Variants in KSR2 observed in about 807,000 individuals in gnomAD.
The protein encoded by KSR2 is kinase suppressor of ras 2.
In KSR2, 25 loss-of-function variants were observed where a neutral mutation model predicts 107.8. The ratio of observed to expected loss-of-function variants is 0.23; its 90% CI spans 0.17 to 0.32. The LOEUF (loss-of-function observed/expected upper bound fraction) is 0.32, where lower values mean the gene tolerates loss of function less well. KSR2 is among the 10% of genes least tolerant of loss of function. The pLI, the probability that KSR2 is intolerant of heterozygous loss-of-function variation, is 1.00. For missense variants in KSR2, 887 were observed against 1,268.9 expected (o/e 0.70, Z 4.57); for synonymous variants, 480 against 507.0 (o/e 0.95, Z 0.71).
intron 14 of KSR2, among the ~76,000 whole-genome samples, chr12:117,493,885 T>G (rs576770134): frequency 6.6e-6 from 1 of 152,268 alleles, no homozygotes; most frequent in Non-Finnish European, 1.5e-5. Flanking sequence ...CTTTTGCTTC[T>G]TCCTCATTTT....
At chr12:117,951,390 C>T (rs74338552) in intron 1 of KSR2, among the ~76,000 whole-genome samples, 3,056 of 152,210 alleles carry the variant, frequency 0.02, 85 homozygotes, top group African/African-American at 0.07. Flanking sequence ...ATAAAAACAA[C>T]GTCCATAAGT....
At chr12:117,758,012 T>A (rs1315557898) in intron 4 of KSR2, among the ~76,000 whole-genome samples, 1 of 152,192 alleles carries the variant, frequency 6.6e-6, no homozygotes, top group East Asian at 1.9e-4. Context: ...TCTAGGCTAG[T>A]CTATTTCATT....
chr12:117,533,768 G>A (rs1875829866), intron 10 of KSR2, among the ~76,000 whole-genome samples: 1 of 152,110 alleles, frequency 6.6e-6, no homozygotes, highest in Non-Finnish European at 1.5e-5. Flanking sequence ...GTTCTTTTTG[G>A]GCAACGGAGA....
chr12:117,965,994 G>A (rs1896774365), intron 1 of KSR2, among the ~76,000 whole-genome samples: 1 of 68,908 alleles, frequency 1.5e-5, no homozygotes, highest in South Asian at 7.2e-4. Flanking sequence ...CATTCCCTGG[G>A]CAAGATGGAT....
intron 14 of KSR2, among the ~76,000 whole-genome samples, chr12:117,489,501 T>C (rs1872637001): frequency 7.0e-6 from 1 of 143,728 alleles, no homozygotes; most frequent in African/African-American, 2.6e-5. Flanking sequence ...GCATGGAGAT[T>C]ACACCACCAC....
intron 4 of KSR2, among the ~76,000 whole-genome samples, chr12:117,739,099 T>G (rs553272073): frequency 1.3e-5 from 2 of 152,340 alleles, no homozygotes; most frequent in East Asian, 1.9e-4. Flanking sequence ...CTCACGCCTG[T>G]AATCCCAGCA....
chr12:117,810,638 C>T (rs923659924), intron 3 of KSR2, among the ~76,000 whole-genome samples: 10 of 152,132 alleles, frequency 6.6e-5, no homozygotes, highest in East Asian at 1.9e-4. Flanking sequence ...AGGTGATATC[C>T]GACTGGCAAT....
At chr12:117,738,107 C>T (rs1888015787) in intron 4 of KSR2, among the ~76,000 whole-genome samples, 1 of 152,160 alleles carries the variant, frequency 6.6e-6, no homozygotes, top group Admixed American at 6.6e-5. Flanking sequence ...AGCAGAAGGA[C>T]TCAGCAATTG....
At chr12:117,659,475 A>G (rs1198533514) in intron 5 of KSR2, among the ~76,000 whole-genome samples, 1 of 152,212 alleles carries the variant, frequency 6.6e-6, no homozygotes, top group Non-Finnish European at 1.5e-5. Context: ...CATACAGACA[A>G]AAAGTGTCAC....
At chr12:117,603,070 A>T (rs1881044251) in intron 5 of KSR2, among the ~76,000 whole-genome samples, 1 of 152,190 alleles carries the variant, frequency 6.6e-6, no homozygotes, top group South Asian at 2.1e-4. Context: ...ATCATGGAAA[A>T]ATTCCTACTT....
Position 117,466,970 on chromosome 12 carries a change from G to A in KSR2, c.*229C>T. The A allele has an allele frequency of 2.2e-6, 1 of 458,434 alleles. No individual in the cohort carries two copies. The allele number at this position is 458,434 out of a possible 1,614,324, so 28.4% of individuals were successfully genotyped here. A position where few individuals can be genotyped will look rare whatever the true frequency, so the allele number is the denominator to read the frequency against. On this transcript the variant is annotated 3_prime_UTR_variant, in exon 20 of 20. Transcript: ENST00000339824. Reference sequence around the variant, plus strand: ...GCACTGATCAATAACGCATCACCCTGGCTGGTCCGGTTCAGTCCTAGCTCG... The same window carrying A: ...GCACTGATCAATAACGCATCACCCTAGCTGGTCCGGTTCAGTCCTAGCTCG...
chr12:117,713,150 T>C (rs937901173), intron 4 of KSR2, among the ~76,000 whole-genome samples: 5 of 150,758 alleles, frequency 3.3e-5, no homozygotes, highest in African/African-American at 9.7e-5. Flanking sequence ...AGATAAAAGA[T>C]AGAAGATAGA....
At position 117,495,809 on chromosome 12, in the gene KSR2, C is replaced by T. The variant is rs529902204; in HGVS notation, c.2220-10118G>A. On this transcript the variant is annotated intron_variant, in intron 14 of 19. Transcript: ENST00000339824. ...GTGGCTCACACCTGTAATCCCAGAA[C>T]TTTGGGAGGCCAAGGTGGGCGGGGT... Among the ~76,000 whole-genome samples the T allele has an allele frequency of 5.9e-5, 9 of 152,310 alleles. No individual in the cohort carries two copies. The East Asian group carries it at 1.5e-3, about 26-fold the overall frequency.
intron 1 of KSR2, among the ~76,000 whole-genome samples, chr12:117,936,530 T>G (rs61945393): frequency 0.43 from 49,488 of 114,664 alleles, 8,790 homozygotes; most frequent in Middle Eastern, 0.51. Flanking sequence ...ATTATTATTA[T>G]TATTAGTAGT....
At chr12:117,497,636 A>G (rs1873114765) in intron 14 of KSR2, among the ~76,000 whole-genome samples, 1 of 152,212 alleles carries the variant, frequency 6.6e-6, no homozygotes, top group Non-Finnish European at 1.5e-5. Flanking sequence ...GACTGGCGCA[A>G]TAAGTCAGCC....
intron 11 of KSR2, 150 bp from the exon 12 acceptor site, chr12:117,531,163 C>T: frequency 1.5e-6 from 1 of 678,780 alleles, no homozygotes; most frequent in South Asian, 1.8e-5. Context: ...CCTGGACCAC[C>T]TGGACTCTAC....
intron 4 of KSR2, among the ~76,000 whole-genome samples, chr12:117,673,788 ATTCT>A (rs1040566410): frequency 1.1e-4 from 17 of 152,342 alleles, no homozygotes; most frequent in African/African-American, 3.8e-4. Flanking sequence ...TAAAAAGAAC[ATTCT>A]TTCCCGTGAT....
chr12:117,694,845 C>CTTTTTTTT (rs34228762), intron 4 of KSR2, among the ~76,000 whole-genome samples: 5 of 99,096 alleles, frequency 5.0e-5, no homozygotes, highest in Admixed American at 2.5e-4. Context: ...TTGTATGATT[C>CTTTTTTTT]TTTTTTTTTT....
chr12:117,580,310 T>G (rs1879563662), intron 6 of KSR2, among the ~76,000 whole-genome samples: 1 of 152,232 alleles, frequency 6.6e-6, no homozygotes, highest in African/African-American at 2.4e-5. Flanking sequence ...TGTGAGTTGG[T>G]CAAGCCCCTT....
Sources: allele counts gnomAD v4.1 joint callset (sites outside exome capture counted in the v4.1 genomes callset), GRCh38; gene constraint gnomAD v4.1.1; transcripts MANE v1.5; gene names NCBI Gene and HGNC (gene_info 2026-07-23, HGNC 2026-07-21).